GRIA4: variants seen among roughly 807,000 people sequenced by gnomAD.
The protein encoded by GRIA4 is glutamate receptor 4.
Under a neutral mutation model 104.0 loss-of-function variants are expected in GRIA4, and 34 were observed. That is an observed-to-expected ratio of 0.33 (90% CI 0.25 to 0.44). The LOEUF is 0.44. GRIA4 is among the 20% of genes least tolerant of loss of function. The pLI, the probability that GRIA4 is intolerant of heterozygous loss-of-function variation, is 1.00. For missense variants in GRIA4, 750 were observed against 1,096.5 expected (o/e 0.68, Z 4.46); for synonymous variants, 386 against 381.9 (o/e 1.01, Z -0.13).
At chr11:105,623,728 C>A (rs183610901) in intron 3 of GRIA4, among the ~76,000 whole-genome samples, 2 of 152,206 alleles carry the variant, frequency 1.3e-5, no homozygotes, top group Admixed American at 6.6e-5. Flanking sequence ...CACCAAAACA[C>A]CAATCACTCT....
At chr11:105,710,266 CTG>C (rs1031657241) in intron 3 of GRIA4, among the ~76,000 whole-genome samples, 1 of 152,024 alleles carries the variant, frequency 6.6e-6, no homozygotes, top group Non-Finnish European at 1.5e-5. Flanking sequence ...GGTTTAATCT[CTG>C]TAGTAAAAAG....
chr11:105,741,723 T>C (rs959294760), intron 3 of GRIA4, among the ~76,000 whole-genome samples: 14 of 152,162 alleles, frequency 9.2e-5, no homozygotes, highest in African/African-American at 3.4e-4. Flanking sequence ...CATTTTGAGG[T>C]CTGTCAATAT....
intron 4 of GRIA4, among the ~76,000 whole-genome samples, chr11:105,817,891 A>G (rs1006937152): frequency 6.6e-6 from 1 of 152,192 alleles, no homozygotes; most frequent in African/African-American, 2.4e-5. Flanking sequence ...ATCAGAAATT[A>G]AATCCAGTGG....
intron 15 of GRIA4, among the ~76,000 whole-genome samples, 196 bp downstream of exon 15, chr11:105,972,224 C>A (rs142970364): frequency 5.6e-4 from 86 of 152,256 alleles, no homozygotes; most frequent in African/African-American, 1.8e-3. Context: ...AATATTAAGA[C>A]TTTTAAATTA....
chr11:105,866,104 TTCTCTGAG>T (rs1330712390), intron 5 of GRIA4, among the ~76,000 whole-genome samples: 1 of 152,180 alleles, frequency 6.6e-6, no homozygotes, highest in East Asian at 1.9e-4. Context: ...AGTGTTTTCA[TTCTCTGAG>T]AGATGGATAA....
At chr11:105,789,968 C>A (rs1336804810) in intron 4 of GRIA4, among the ~76,000 whole-genome samples, 1 of 152,160 alleles carries the variant, frequency 6.6e-6, no homozygotes, top group African/African-American at 2.4e-5. Context: ...GAATGGACAG[C>A]AACACTGATG....
At chr11:105,654,538 T>C (rs1951786820) in intron 3 of GRIA4, among the ~76,000 whole-genome samples, 1 of 152,132 alleles carries the variant, frequency 6.6e-6, no homozygotes, top group Admixed American at 6.6e-5. Flanking sequence ...ACACATAATG[T>C]TAACTTTCTT....
intron 12 of GRIA4, among the ~76,000 whole-genome samples, chr11:105,925,643 A>G (rs1947684818): frequency 6.6e-6 from 1 of 152,120 alleles, no homozygotes; most frequent in African/African-American, 2.4e-5. Flanking sequence ...TTTAAATTCC[A>G]ATAACATAGG....
intron 14 of GRIA4, chr11:105,965,908 C>T (rs1407251749): frequency 7.5e-7 from 1 of 1,329,896 alleles, no homozygotes; most frequent in Non-Finnish European, 1.1e-6. Flanking sequence ...ATCTTAACAG[C>T]TGTGCAGTTT....
chr11:105,627,333 G>A (rs1950912525), intron 3 of GRIA4, among the ~76,000 whole-genome samples: 1 of 152,024 alleles, frequency 6.6e-6, no homozygotes, highest in African/African-American at 2.4e-5. Context: ...GTTGGGAGAG[G>A]GACTGGACAG....
At chr11:105,764,066 A>C (rs1222542755) in intron 4 of GRIA4, among the ~76,000 whole-genome samples, 1 of 152,214 alleles carries the variant, frequency 6.6e-6, no homozygotes, top group East Asian at 1.9e-4. Flanking sequence ...TGAAAGTAAC[A>C]CTGAAATTTT....
At chr11:105,913,136 T>A in intron 10 of GRIA4, 1 of 582,572 alleles carries the variant, frequency 1.7e-6, no homozygotes, top group South Asian at 7.6e-5. Flanking sequence ...TTATTGAGCG[T>A]CTGCTATGTG....
intron 10 of GRIA4, chr11:105,912,092 G>T (rs1040855626): frequency 6.3e-6 from 7 of 1,111,746 alleles, no homozygotes; most frequent in Admixed American, 5.0e-5. Flanking sequence ...AACAAAAGAA[G>T]AATTAATCTT....
intron 4 of GRIA4, among the ~76,000 whole-genome samples, chr11:105,840,825 G>C (rs912881865): frequency 2.6e-5 from 4 of 152,142 alleles, no homozygotes; most frequent in African/African-American, 9.7e-5. Context: ...CTCCATTTTA[G>C]TGTTTATATG....
chr11:105,853,702 T>C (rs914722477), intron 4 of GRIA4, among the ~76,000 whole-genome samples: 2 of 152,140 alleles, frequency 1.3e-5, no homozygotes, highest in Non-Finnish European at 2.9e-5. Flanking sequence ...CTGGCTCTTA[T>C]ACAGATAAGT....
At chr11:105,798,928 A>G (rs1276941277) in intron 4 of GRIA4, among the ~76,000 whole-genome samples, 1 of 152,124 alleles carries the variant, frequency 6.6e-6, no homozygotes, top group Non-Finnish European at 1.5e-5. Context: ...AGGCAGTTAG[A>G]TATGTTGGTA....
In GRIA4 at chr11:105,920,381, G is replaced by A. The variant is rs148400471; in HGVS notation, c.1476+1463G>A. On this transcript the variant is annotated intron_variant, in intron 11 of 16. Coordinates refer to ENST00000282499, the MANE Select transcript of GRIA4 (RefSeq NM_000829.4). ...GCATAACTTAGATGTTAACAATATC[G>A]AAGTTGTTGGAACTACTGTAATTCA... 1.3e-3 allele frequency among the ~76,000 whole-genome samples: 198 copies of A among 152,162 alleles called. 1 individual carries two copies. Among genetic ancestry groups the A allele is most frequent in the African/African-American group, 4.5e-3 (186 of 41,532 alleles).
chr11:105,888,051 A>G (rs1332569406), intron 6 of GRIA4, among the ~76,000 whole-genome samples: 1 of 152,150 alleles, frequency 6.6e-6, no homozygotes, highest in Non-Finnish European at 1.5e-5. Flanking sequence ...TGGCTAACAA[A>G]CAAGATACAC....
intron 4 of GRIA4, among the ~76,000 whole-genome samples, chr11:105,857,182 T>C (rs778576587): frequency 6.6e-6 from 1 of 152,088 alleles, no homozygotes; most frequent in Non-Finnish European, 1.5e-5. Flanking sequence ...ACCTAAATGG[T>C]TATTAAATCT....
Sources: allele counts gnomAD v4.1 joint callset (sites outside exome capture counted in the v4.1 genomes callset), GRCh38; gene constraint gnomAD v4.1.1; transcripts MANE v1.5; gene names NCBI Gene and HGNC (gene_info 2026-07-23, HGNC 2026-07-21).